Variants in CSNK1G3 observed in about 807,000 individuals in gnomAD.
CSNK1G3 encodes casein kinase I isoform gamma-3.
A neutral mutation model predicts 64.3 loss-of-function variants in CSNK1G3; 23 were observed. The observed-to-expected ratio is 0.36, with a 90% CI of 0.26 to 0.51. The LOEUF is 0.51. CSNK1G3 is among the 20% of genes least tolerant of loss of function. CSNK1G3 has a pLI of 0.96. For synonymous variants in CSNK1G3, 158 were observed against 162.2 expected (o/e 0.97, Z 0.20); for missense variants, 357 against 510.5 (o/e 0.70, Z 2.90).
At chr5:123,580,772 A>T (rs797009328) in intron 6 of CSNK1G3, among the ~76,000 whole-genome samples, 1 of 152,074 alleles carries the variant, frequency 6.6e-6, no homozygotes, top group African/African-American at 2.4e-5. Flanking sequence ...TAAGTAAATA[A>T]TGTCTATTTC....
intron 4 of CSNK1G3, among the ~76,000 whole-genome samples, chr5:123,565,275 T>C (rs971183536): frequency 6.6e-6 from 1 of 152,178 alleles, no homozygotes; most frequent in Non-Finnish European, 1.5e-5. Flanking sequence ...ATTTATGTTA[T>C]TACAAAATAA....
intron 2 of CSNK1G3, among the ~76,000 whole-genome samples, chr5:123,550,939 A>G (rs757532962): frequency 2.6e-5 from 4 of 152,214 alleles, no homozygotes; most frequent in Non-Finnish European, 4.4e-5. Flanking sequence ...CAACATCTCT[A>G]GTATTCAAAA....
chr5:123,533,796 T>G (rs1294303803), intron 1 of CSNK1G3, among the ~76,000 whole-genome samples: 2 of 151,782 alleles, frequency 1.3e-5, no homozygotes, highest in Non-Finnish European at 2.9e-5. Flanking sequence ...ATGATCTGCT[T>G]CCCCCAGAGG....
At chr5:123,586,924 T>C (rs1294483948) in intron 6 of CSNK1G3, among the ~76,000 whole-genome samples, 5 of 152,156 alleles carry the variant, frequency 3.3e-5, no homozygotes, top group Admixed American at 1.3e-4. Flanking sequence ...ACATCTCATG[T>C]GGATGGTGGC....
At chr5:123,588,480 A>C in exon 8 of CSNK1G3, 1 of 1,612,638 alleles carries the variant, frequency 6.2e-7, no homozygotes, top group Non-Finnish European at 8.5e-7. Context: ...AACGGGCTAC[A>C]CCAATAGAAG....
intron 6 of CSNK1G3, among the ~76,000 whole-genome samples, chr5:123,586,231 A>G (rs941137569): frequency 2.0e-5 from 3 of 152,152 alleles, no homozygotes; most frequent in Non-Finnish European, 4.4e-5. Flanking sequence ...ATGAAGGCAG[A>G]TAAGTGGTTG....
At chr5:123,614,021 A>T (rs934451809) in intron 12 of CSNK1G3, among the ~76,000 whole-genome samples, 3 of 152,214 alleles carry the variant, frequency 2.0e-5, no homozygotes, top group Non-Finnish European at 4.4e-5. Flanking sequence ...TGGCTTCAAC[A>T]GTCACATATA....
At chr5:123,593,206 C>T (rs952047688) in intron 10 of CSNK1G3, among the ~76,000 whole-genome samples, 14 of 150,290 alleles carry the variant, frequency 9.3e-5, no homozygotes, top group African/African-American at 2.7e-4. Context: ...TATATATACA[C>T]ACACACACAC....
At chr5:123,581,689 A>T in intron 6 of CSNK1G3, among the ~76,000 whole-genome samples, 1 of 147,572 alleles carries the variant, frequency 6.8e-6, no homozygotes. Context: ...TTTCCTTTTT[A>T]GGTTTGTTTT....
At chr5:123,566,926 C>A (rs151336013) in intron 4 of CSNK1G3, among the ~76,000 whole-genome samples, 46 of 152,010 alleles carry the variant, frequency 3.0e-4, no homozygotes, top group African/African-American at 1.1e-3. Flanking sequence ...CTTTTCTATT[C>A]GTATGTATGT....
At chr5:123,515,138 C>T (rs1776919304) in intron 1 of CSNK1G3, among the ~76,000 whole-genome samples, 1 of 151,936 alleles carries the variant, frequency 6.6e-6, no homozygotes, top group Admixed American at 6.6e-5. Flanking sequence ...TGAAATCAAT[C>T]CAGACTGTAA....
chr5:123,595,543 C>CT (rs1052763450), intron 10 of CSNK1G3, among the ~76,000 whole-genome samples: 23 of 152,078 alleles, frequency 1.5e-4, no homozygotes, highest in African/African-American at 5.5e-4. Flanking sequence ...AGTTAAATAT[C>CT]TTTTTTCATC....
intron 3 of CSNK1G3, among the ~76,000 whole-genome samples, chr5:123,554,690 T>C (rs1784310151): frequency 6.6e-6 from 1 of 152,250 alleles, no homozygotes; most frequent in East Asian, 1.9e-4. Flanking sequence ...TTTCTCATGT[T>C]GTAGGCCAGT....
At chr5:123,590,485 A>C in exon 9 of CSNK1G3, 1 of 1,539,752 alleles carries the variant, frequency 6.5e-7, no homozygotes. Context: ...TACTTAAGAA[A>C]GCTTTTTACT....
At chr5:123,553,110 A>G in exon 3 of CSNK1G3, 1 of 1,390,738 alleles carries the variant, frequency 7.2e-7, no homozygotes, top group Non-Finnish European at 9.7e-7. Context: ...TTTCAAGGGA[A>G]AAATTTATAC....
intron 6 of CSNK1G3, among the ~76,000 whole-genome samples, chr5:123,576,456 C>A (rs1789183392): frequency 6.6e-6 from 1 of 152,084 alleles, no homozygotes; most frequent in Non-Finnish European, 1.5e-5. Context: ...ACAAGTTTAA[C>A]CTTTTTAAGG....
In CSNK1G3 at chr5:123,609,007, A is replaced by G. The variant is rs147461263; in HGVS notation, c.1217+3645A>G. On this transcript the variant is annotated intron_variant, in intron 12 of 12. Transcript: ENST00000345990. ...TTTACACTAGTTCTCAAAGATGAGA[A>G]TGATTTGGCAAGGGAAATGGATAGA... 4.7e-3 allele frequency among the ~76,000 whole-genome samples: 713 copies of G among 152,308 alleles called. 9 individuals are homozygous for G. The highest frequency in any genetic ancestry group is 0.016 in the African/African-American group (672 of 41,570).
At chr5:123,534,223 A>G (rs1242450252) in intron 1 of CSNK1G3, among the ~76,000 whole-genome samples, 2 of 152,106 alleles carry the variant, frequency 1.3e-5, no homozygotes, top group East Asian at 1.9e-4. Flanking sequence ...TTCCAAGTCT[A>G]ATCCTTCTAT....
At chr5:123,525,669 C>T (rs1001523420) in intron 1 of CSNK1G3, among the ~76,000 whole-genome samples, 1 of 151,986 alleles carries the variant, frequency 6.6e-6, no homozygotes, top group Non-Finnish European at 1.5e-5. Flanking sequence ...ATAATAAACA[C>T]AAGCATCTGA....
Sources: gnomAD v4.1 joint callset for allele counts (sites outside exome capture counted in the v4.1 genomes callset) on GRCh38, gnomAD v4.1.1 for gene constraint, MANE v1.5 for transcripts, NCBI Gene and HGNC (gene_info 2026-07-23, HGNC 2026-07-21) for gene names.